Variants in PELI2 observed in about 807,000 individuals in gnomAD.
PELI2 encodes pellino E3 ubiquitin protein ligase family member 2.
PELI2 carries 23 observed loss-of-function variants against 42.3 expected under a neutral mutation model. The observed-to-expected ratio is 0.54, with a 90% CI of 0.39 to 0.77. The LOEUF (loss-of-function observed/expected upper bound fraction) is 0.77, where lower values mean the gene tolerates loss of function less well. Among genes scored for constraint, PELI2 ranks in the 30% least tolerant of loss-of-function variants. PELI2 has a pLI of 0.00. For synonymous variants in PELI2, 245 were observed against 212.2 expected, an observed-to-expected ratio of 1.15 and a Z score of -1.34; for missense variants, 463 against 553.2, an observed-to-expected ratio of 0.84 and a Z score of 1.64.
intron 2 of PELI2, among the ~76,000 whole-genome samples, chr14:56,195,900 A>G (rs554488290): frequency 1.2e-4 from 18 of 152,366 alleles, no homozygotes; most frequent in Middle Eastern, 3.4e-3. Flanking sequence ...AGCATGTGAC[A>G]GTGCTCCGGA....
At chr14:56,255,775 G>C (rs1363240255) in intron 2 of PELI2, among the ~76,000 whole-genome samples, 1 of 152,128 alleles carries the variant, frequency 6.6e-6, no homozygotes, top group Non-Finnish European at 1.5e-5. Flanking sequence ...GGGGAAGGCT[G>C]GCTGCCCCAC....
chr14:56,216,688 G>T (rs567898490), intron 2 of PELI2, among the ~76,000 whole-genome samples: 18 of 152,328 alleles, frequency 1.2e-4, no homozygotes, highest in Non-Finnish European at 2.4e-4. Context: ...TCAGAGACAA[G>T]AAAAGAGCAA....
chr14:56,132,253 T>C (rs8010822), intron 1 of PELI2, among the ~76,000 whole-genome samples: 2,649 of 152,300 alleles, frequency 0.017, 82 homozygotes, highest in African/African-American at 0.061. Flanking sequence ...AATCCAGGTC[T>C]CAGATTCTAA....
chr14:56,237,020 A>G (rs1488019627), intron 2 of PELI2, among the ~76,000 whole-genome samples: 1 of 152,148 alleles, frequency 6.6e-6, no homozygotes, highest in East Asian at 1.9e-4. Flanking sequence ...CCCTGCTCCT[A>G]GCACTCTCAC....
intron 2 of PELI2, among the ~76,000 whole-genome samples, chr14:56,243,441 A>G (rs1888047866): frequency 6.6e-6 from 1 of 152,152 alleles, no homozygotes; most frequent in Admixed American, 6.5e-5. Context: ...GCCTGGCCCC[A>G]GTTCCTGGCA....
Position 56,160,543 on chromosome 14 carries a change from A to G in PELI2, c.78-17792A>G, listed in dbSNP as rs549152439. 3.9e-5 allele frequency among the ~76,000 whole-genome samples: 6 copies of G among 152,300 alleles called. 1 individual carries two copies. The highest frequency in any genetic ancestry group is 9.6e-5 in the African/African-American group (4 of 41,552). On this transcript the variant is annotated intron_variant, in intron 1 of 5. Transcript: ENST00000267460. ...TAAGAACTTTTTAATAGCCTTGGGA[A>G]GCATTTTGGCATGGGGAAGCTGGAA...
intron 2 of PELI2, among the ~76,000 whole-genome samples, chr14:56,182,974 G>A (rs528078202): frequency 1.3e-5 from 2 of 152,182 alleles, no homozygotes; most frequent in African/African-American, 4.8e-5. Context: ...GGTGCTTCGG[G>A]AGAGTCATCA....
At chr14:56,165,869 T>C (rs1466697280) in intron 1 of PELI2, among the ~76,000 whole-genome samples, 3 of 152,196 alleles carry the variant, frequency 2.0e-5, no homozygotes, top group African/African-American at 7.2e-5. Context: ...GGAATAACTT[T>C]TTCTATCCCT....
In PELI2 at chr14:56,296,689, T is replaced by C; in HGVS notation, c.786T>C (p.Phe262=). The C allele has an allele frequency of 6.2e-7, 1 of 1,614,126 alleles. No individual in the cohort carries two copies. Among genetic ancestry groups the C allele is most frequent in the South Asian group, 1.1e-5 (1 of 91,084 alleles). The part of the protein sequence containing the change: ...TLLWRTADGL[F]HTPTQKHIEA... ...TCTGGAGAACAGCAGATGGGCTTTT[T>C]CATACTCCAACTCAGAAGCACATAG... Residue 262 remains phenylalanine, a synonymous_variant, in exon 6 of 6, where the codon TTT becomes TTC. Coordinates refer to ENST00000267460, the MANE Select transcript of PELI2 (RefSeq NM_021255.3).
rs555568983 is a variant in PELI2 at position 56,266,771 on chromosome 14, A to G, written c.208-12905A>G. ...TTGTCCTATAGATATATTTCCCTGTATGCAAAACGAATATCTGCATATTTG... is the reference window on the plus strand; with the variant it reads ...TTGTCCTATAGATATATTTCCCTGTGTGCAAAACGAATATCTGCATATTTG... On this transcript the variant is annotated intron_variant, in intron 2 of 5. Transcript: ENST00000267460. Among the ~76,000 whole-genome samples the G allele has an allele frequency of 1.2e-4, 19 of 152,196 alleles. 1 individual carries two copies. In the South Asian group the frequency reaches 3.9e-3, roughly 32 times the overall value.
chr14:56,133,362 T>C (rs1883566524), intron 1 of PELI2, among the ~76,000 whole-genome samples: 1 of 152,182 alleles, frequency 6.6e-6, no homozygotes, highest in Non-Finnish European at 1.5e-5. Flanking sequence ...TGCCATGTGA[T>C]TTCTAAGGTC....
rs1284526130 is a variant in PELI2, at chr14:56,298,090, C to T, written c.*924C>T. 2 of 151,460 alleles carry T rather than the reference C, an allele frequency of 1.3e-5. No individual in the cohort carries two copies. The highest frequency in any genetic ancestry group is 4.9e-5 in the African/African-American group (2 of 41,186). 9.4% of individuals were successfully genotyped at this position (151,460 alleles called of 1,614,324 possible). A position where few individuals can be genotyped will look rare whatever the true frequency, so the allele number is the denominator to read the frequency against. ...TACTTTTTAAAACCACTTGAGGTTT[C>T]ATAAAGCTTGGGGTTTTTTTTTTTC... On this transcript the variant is annotated 3_prime_UTR_variant, in exon 6 of 6. Coordinates refer to ENST00000267460, the MANE Select transcript of PELI2 (RefSeq NM_021255.3).
intron 2 of PELI2, among the ~76,000 whole-genome samples, chr14:56,223,241 C>A (rs1887215451): frequency 6.6e-6 from 1 of 152,216 alleles, no homozygotes; most frequent in Non-Finnish European, 1.5e-5. Flanking sequence ...AACTCCCTCT[C>A]TGGTCTTAAT....
intron 2 of PELI2, among the ~76,000 whole-genome samples, chr14:56,199,202 A>G (rs1886245362): frequency 1.3e-5 from 2 of 152,328 alleles, no homozygotes; most frequent in East Asian, 3.9e-4. Flanking sequence ...GTCTTCCCCC[A>G]TGAGAGTCAT....
At chr14:56,227,618 GTAGTCTC>G (rs11278045) in intron 2 of PELI2, among the ~76,000 whole-genome samples, 60,402 of 151,638 alleles carry the variant, frequency 0.4, 12,767 homozygotes, top group South Asian at 0.53. Flanking sequence ...AGACTTACAT[GTAGTCTC>G]TAGCTCTGTT....
chr14:56,215,361 A>G lies in PELI2; in HGVS notation c.207+36897A>G, dbSNP rs1886868469. On this transcript the variant is annotated intron_variant, in intron 2 of 5. Transcript: ENST00000267460. ...CTGTTGCTGTAGCGAAACATAACAC[A>G]CAGGAAAGCCCGCCGGGGGAGCATG... 2.0e-5 allele frequency among the ~76,000 whole-genome samples: 3 copies of G among 152,332 alleles called. No homozygotes were observed. The South Asian group carries it at 6.2e-4, about 32-fold the overall frequency.
chr14:56,296,374 G>A (rs1272713895), intron 5 of PELI2, among the ~76,000 whole-genome samples: 1 of 152,188 alleles, frequency 6.6e-6, no homozygotes, highest in Non-Finnish European at 1.5e-5. Flanking sequence ...TATACATACT[G>A]TGCTCAGGGC....
chr14:56,242,277 G>C (rs1188025035), intron 2 of PELI2, among the ~76,000 whole-genome samples: 1 of 152,206 alleles, frequency 6.6e-6, no homozygotes, highest in Non-Finnish European at 1.5e-5. Flanking sequence ...TACACTCATA[G>C]TGCACTACAG....
At chr14:56,169,324 C>T (rs1885086168) in intron 1 of PELI2, among the ~76,000 whole-genome samples, 1 of 152,206 alleles carries the variant, frequency 6.6e-6, no homozygotes, top group African/African-American at 2.4e-5. Context: ...CATGGAGACA[C>T]AGAGCACTGT....
Sources: allele counts gnomAD v4.1 joint callset (sites outside exome capture counted in the v4.1 genomes callset), GRCh38; gene constraint gnomAD v4.1.1; transcripts MANE v1.5; gene names NCBI Gene and HGNC (gene_info 2026-07-23, HGNC 2026-07-21).